The following COX10 variants were observed in gnomAD, a reference collection of about 807,000 sequenced individuals.
The protein encoded by COX10 is protoheme IX farnesyltransferase, mitochondrial.
A neutral mutation model predicts 37.3 loss-of-function variants in COX10; 27 were observed. That is an observed-to-expected ratio of 0.72 (90% CI 0.53 to 1.00). The LOEUF (loss-of-function observed/expected upper bound fraction) is 1.00, where lower values mean the gene tolerates loss of function less well. Ranked by LOEUF, COX10 falls within the 50% of genes least tolerant of loss-of-function variation. The probability of loss-of-function intolerance (pLI) is 0.00; values close to 1 mark genes in which losing one functional copy is unlikely to be tolerated. For synonymous variants in COX10, 222 were observed against 229.1 expected (o/e 0.97, Z 0.28); for missense variants, 475 against 563.2 (o/e 0.84, Z 1.59).
intron 3 of COX10, among the ~76,000 whole-genome samples, chr17:14,091,759 G>A (rs530639408): frequency 6.6e-6 from 1 of 152,188 alleles, no homozygotes; most frequent in East Asian, 1.9e-4. Flanking sequence ...CATCAAAGTC[G>A]GAACGATACT....
intron 4 of COX10, among the ~76,000 whole-genome samples, chr17:14,154,608 G>C (rs1214101934): frequency 6.6e-6 from 1 of 152,176 alleles, no homozygotes; most frequent in Non-Finnish European, 1.5e-5. Flanking sequence ...AGTTTTAAGA[G>C]GATGGGTTGG....
intron 4 of COX10, among the ~76,000 whole-genome samples, chr17:14,111,575 G>A (rs1043647163): frequency 6.6e-6 from 1 of 151,992 alleles, no homozygotes; most frequent in African/African-American, 2.4e-5. Flanking sequence ...TTACCTGCTA[G>A]CTTACAAGAA....
intron 4 of COX10, among the ~76,000 whole-genome samples, chr17:14,136,545 G>A (rs1194401020): frequency 6.6e-6 from 1 of 151,992 alleles, no homozygotes; most frequent in Non-Finnish European, 1.5e-5. Context: ...CATAAAGCAC[G>A]GCTGAGACTT....
chr17:14,141,041 GATTTTTTTTT>G (rs550240400), intron 4 of COX10, among the ~76,000 whole-genome samples: 1 of 151,704 alleles, frequency 6.6e-6, no homozygotes, highest in East Asian at 1.9e-4. Context: ...TATCGTCTAG[GATTTTTTTTT>G]TGCGTAATCA....
chr17:14,114,688 C>G (rs1205304322), intron 4 of COX10, among the ~76,000 whole-genome samples: 1 of 152,030 alleles, frequency 6.6e-6, no homozygotes, highest in African/African-American at 2.4e-5. Flanking sequence ...GACCTATAGT[C>G]ATATCCATAT....
intron 6 of COX10, among the ~76,000 whole-genome samples, chr17:14,193,378 G>T (rs1906270474): frequency 6.6e-6 from 1 of 151,808 alleles, no homozygotes; most frequent in African/African-American, 2.4e-5. Flanking sequence ...TTTGTAAGGT[G>T]CTGGACCATG....
At chr17:14,113,568 A>G (rs901029056) in intron 4 of COX10, among the ~76,000 whole-genome samples, 14 of 152,174 alleles carry the variant, frequency 9.2e-5, no homozygotes, top group African/African-American at 2.4e-4. Context: ...AGCAGCTTAT[A>G]TAGAATCAAG....
intron 4 of COX10, among the ~76,000 whole-genome samples, chr17:14,123,050 T>G (rs903990207): frequency 5.9e-5 from 9 of 152,188 alleles, no homozygotes; most frequent in African/African-American, 1.9e-4. Context: ...GTATAATGCC[T>G]TACATTTTTA....
rs770371159 is a variant in COX10, at chr17:14,074,303, C to T, written c.44-20C>T. The T allele has an allele frequency of 3.7e-6, 6 of 1,613,764 alleles. No homozygotes were observed. In the Admixed American group the frequency reaches 5.0e-5, roughly 13 times the overall value. ...AGTACGAATCATTTAACCTTTCTTC[C>T]ACTTCTCTCTCTATTATAGGTTGCG... On this transcript the variant is annotated intron_variant, in intron 1 of 6. Transcript: ENST00000261643.
chr17:14,147,827 A>T (rs1050701783), intron 4 of COX10, among the ~76,000 whole-genome samples: 2 of 151,706 alleles, frequency 1.3e-5, no homozygotes, highest in African/African-American at 4.9e-5. Context: ...CTTTATAGAC[A>T]GTTGAAAATT....
chr17:14,081,927 A>G (rs951879874), intron 3 of COX10, among the ~76,000 whole-genome samples: 2 of 152,214 alleles, frequency 1.3e-5, no homozygotes, highest in African/African-American at 2.4e-5. Context: ...GGTTTAAAGA[A>G]AACATGATGA....
chr17:14,127,661 C>T (rs1416226355), intron 4 of COX10, among the ~76,000 whole-genome samples: 2 of 152,040 alleles, frequency 1.3e-5, no homozygotes, highest in Non-Finnish European at 2.9e-5. Flanking sequence ...TGTGAATGTG[C>T]TGCATTGAGA....
At chr17:14,192,549 G>A (rs999532226) in intron 6 of COX10, among the ~76,000 whole-genome samples, 1 of 152,200 alleles carries the variant, frequency 6.6e-6, no homozygotes, top group East Asian at 1.9e-4. Flanking sequence ...TAGGACTAAC[G>A]AATTCATGGG....
chr17:14,138,875 G>C (rs966914399), intron 4 of COX10, among the ~76,000 whole-genome samples: 1 of 152,044 alleles, frequency 6.6e-6, no homozygotes, highest in African/African-American at 2.4e-5. Flanking sequence ...TGGGGTATTC[G>C]GTAGTGATGA....
At chr17:14,123,878 T>G (rs1191520301) in intron 4 of COX10, among the ~76,000 whole-genome samples, 5 of 152,208 alleles carry the variant, frequency 3.3e-5, no homozygotes, top group African/African-American at 1.2e-4. Flanking sequence ...TCAGTCCGTT[T>G]TAAGTCAAAC....
At chr17:14,201,345 G>A (rs897223131) in intron 6 of COX10, among the ~76,000 whole-genome samples, 5 of 152,170 alleles carry the variant, frequency 3.3e-5, no homozygotes, top group African/African-American at 9.7e-5. Context: ...GTAAAGCCGT[G>A]TGTGGGTGGT....
intron 4 of COX10, among the ~76,000 whole-genome samples, chr17:14,122,606 T>C (rs1030328670): frequency 7.2e-5 from 11 of 152,102 alleles, no homozygotes; most frequent in South Asian, 2.1e-4. Context: ...GCAGTGACTG[T>C]TGGGATGCTC....
chr17:14,138,869 G>A (rs1904458156), intron 4 of COX10, among the ~76,000 whole-genome samples: 1 of 152,130 alleles, frequency 6.6e-6, no homozygotes, highest in Admixed American at 6.6e-5. Flanking sequence ...GCTGTGTGGG[G>A]TATTCGGTAG....
chr17:14,200,068 G>A (rs545495856), intron 6 of COX10, among the ~76,000 whole-genome samples: 51 of 152,268 alleles, frequency 3.3e-4, no homozygotes, highest in Non-Finnish European at 6.8e-4. Context: ...AAGGCCATGC[G>A]TGGATGGTGA....
Sources: allele counts gnomAD v4.1 joint callset (sites outside exome capture counted in the v4.1 genomes callset), GRCh38; gene constraint gnomAD v4.1.1; transcripts MANE v1.5; gene names NCBI Gene and HGNC (gene_info 2026-07-23, HGNC 2026-07-21).